RALYL: variants seen among roughly 807,000 people sequenced by gnomAD.
RALYL encodes RALY RNA binding protein like, also known as RNA-binding Raly-like protein.
A neutral mutation model predicts 35.1 loss-of-function variants in RALYL; 29 were observed. The observed-to-expected ratio is 0.83, with a 90% confidence interval of 0.61 to 1.13. RALYL has a LOEUF of 1.13. Among genes scored for constraint, RALYL ranks in the 50% most tolerant of loss-of-function variants. RALYL has a pLI of 0.00. For missense variants in RALYL, 359 were observed against 360.4 expected (o/e 1.00, Z 0.03); for synonymous variants, 120 against 127.6 (o/e 0.94, Z 0.40).
chr8:84,391,351 CAAAGA>C (rs1860656475), intron 1 of RALYL, among the ~76,000 whole-genome samples: 2 of 151,906 alleles, frequency 1.3e-5, no homozygotes, highest in African/African-American at 4.8e-5. Context: ...ATGTTTGAAA[CAAAGA>C]AAAGTCCTAT....
intron 1 of RALYL, among the ~76,000 whole-genome samples, chr8:84,272,173 A>G (rs1374255059): frequency 1.3e-5 from 2 of 151,724 alleles, no homozygotes; most frequent in African/African-American, 4.8e-5. Context: ...GCTCACTGCA[A>G]CCTCCACCTC....
At chr8:84,556,303 A>G (rs1588157562) in intron 2 of RALYL, among the ~76,000 whole-genome samples, 1 of 152,180 alleles carries the variant, frequency 6.6e-6, no homozygotes, top group South Asian at 2.1e-4. Flanking sequence ...GATACTCAAG[A>G]GTTTTACATT....
intron 2 of RALYL, among the ~76,000 whole-genome samples, chr8:84,704,480 C>CACACACACACACACACACACA (rs145150857): frequency 7.2e-6 from 1 of 139,580 alleles, no homozygotes; most frequent in South Asian, 2.1e-4. Flanking sequence ...CACACACACA[C>CACACACACACACACACACACA]ACAACAACTC....
At chr8:84,718,299 T>A (rs1843268561) in intron 2 of RALYL, among the ~76,000 whole-genome samples, 1 of 152,210 alleles carries the variant, frequency 6.6e-6, no homozygotes, top group Non-Finnish European at 1.5e-5. Context: ...TTTCAGTTGT[T>A]AAGTATGTGT....
intron 1 of RALYL, among the ~76,000 whole-genome samples, chr8:84,440,065 C>T (rs2048170439): frequency 6.6e-6 from 1 of 151,982 alleles, no homozygotes; most frequent in African/African-American, 2.4e-5. Context: ...ATTTGTAAGT[C>T]ATTATGATTA....
At chr8:84,757,676 AG>A (rs1381164827) in intron 2 of RALYL, among the ~76,000 whole-genome samples, 1 of 152,188 alleles carries the variant, frequency 6.6e-6, no homozygotes, top group Non-Finnish European at 1.5e-5. Context: ...TAGTGTGGCT[AG>A]TACATATATT....
intron 2 of RALYL, among the ~76,000 whole-genome samples, chr8:84,635,917 T>C (rs1013278277): frequency 2.0e-5 from 3 of 151,842 alleles, no homozygotes; most frequent in Non-Finnish European, 4.4e-5. Context: ...TCTTTGGTTT[T>C]CTTAATCTGA....
intron 3 of RALYL, among the ~76,000 whole-genome samples, chr8:84,801,843 G>GTGGT (rs1823354830): frequency 6.6e-6 from 1 of 152,142 alleles, no homozygotes; most frequent in Non-Finnish European, 1.5e-5. Flanking sequence ...ATCAAGAAAG[G>GTGGT]TGGTAACACA....
Position 84,842,889 on chromosome 8 carries a change from A to G in RALYL, c.366-7091A>G, listed in dbSNP as rs113414109. Reference sequence around the variant, plus strand: ...AAACCTCATGATTATCTCAATAGACACAGAAAGGCCTTTGACAAAATTCAA... The same window carrying G: ...AAACCTCATGATTATCTCAATAGACGCAGAAAGGCCTTTGACAAAATTCAA... On this transcript the variant is annotated intron_variant, in intron 4 of 8. Transcript: ENST00000521268. Among the ~76,000 whole-genome samples the G allele has an allele frequency of 3.0e-3, 456 of 152,248 alleles. 1 individual carries two copies. Among genetic ancestry groups the G allele is most frequent in the African/African-American group, 0.011 (444 of 41,556 alleles).
At chr8:84,790,586 T>C (rs1408866300) in intron 3 of RALYL, among the ~76,000 whole-genome samples, 3 of 152,208 alleles carry the variant, frequency 2.0e-5, no homozygotes, top group Non-Finnish European at 4.4e-5. Context: ...ACTGGACATT[T>C]TTCTGGGTAC....
intron 2 of RALYL, among the ~76,000 whole-genome samples, chr8:84,742,608 A>G (rs1181400086): frequency 6.6e-6 from 1 of 152,074 alleles, no homozygotes. Context: ...GGAGTAAGCA[A>G]GAATCAGAGG....
At chr8:84,660,639 C>G (rs1260272600) in intron 2 of RALYL, among the ~76,000 whole-genome samples, 1 of 150,652 alleles carries the variant, frequency 6.6e-6, no homozygotes, top group Non-Finnish European at 1.5e-5. Flanking sequence ...TTTTGCTTTT[C>G]CCCAGTTTTA....
chr8:84,199,399 T>C (rs1025773793), intron 1 of RALYL, among the ~76,000 whole-genome samples: 2 of 152,230 alleles, frequency 1.3e-5, no homozygotes, highest in Non-Finnish European at 2.9e-5. Flanking sequence ...TGGTTATTAA[T>C]CTTTTGTCAG....
At chr8:84,445,103 C>T (rs2133057785) in intron 1 of RALYL, among the ~76,000 whole-genome samples, 1 of 152,092 alleles carries the variant, frequency 6.6e-6, no homozygotes, top group South Asian at 2.1e-4. Flanking sequence ...ACTGATGCTC[C>T]AAGTGTTACT....
chr8:84,484,376 G>A (rs2054378290), intron 1 of RALYL, among the ~76,000 whole-genome samples: 1 of 152,068 alleles, frequency 6.6e-6, no homozygotes, highest in Non-Finnish European at 1.5e-5. Flanking sequence ...TGGTATGACA[G>A]AGATATATTT....
intron 8 of RALYL, among the ~76,000 whole-genome samples, chr8:84,907,341 C>A (rs969687301): frequency 4.7e-5 from 7 of 149,648 alleles, no homozygotes; most frequent in Admixed American, 6.6e-5. Context: ...CACACACACA[C>A]ACACACACAC....
intron 2 of RALYL, among the ~76,000 whole-genome samples, chr8:84,632,091 G>A (rs1194116172): frequency 6.6e-6 from 1 of 151,750 alleles, no homozygotes; most frequent in Non-Finnish European, 1.5e-5. Flanking sequence ...ATTGAAAGGG[G>A]TTAGTGTCCT....
rs866135776 is a variant in RALYL, at chr8:84,503,858, T to C, written c.-23-25441T>C. ...AAGCCTAGGCAACAGAGCAAGACTC[T>C]GTCTCAAAGAAAAAAAAATGAAAAC... On this transcript the variant is annotated intron_variant, in intron 1 of 8. Transcript: ENST00000521268. Among the ~76,000 whole-genome samples the C allele has an allele frequency of 2.2e-5, 3 of 134,438 alleles. No homozygotes were observed. In the Admixed American group the frequency reaches 2.3e-4, roughly 10 times the overall value. The allele number at this position is 134,438 out of a possible 152,430, so 88.2% of individuals were successfully genotyped here.
chr8:84,775,633 C>T (rs141007004), intron 3 of RALYL, among the ~76,000 whole-genome samples: 2 of 152,322 alleles, frequency 1.3e-5, no homozygotes, highest in African/African-American at 4.8e-5. Flanking sequence ...CTGGTCTTTC[C>T]CCTCTACGTG....
Sources: allele counts gnomAD v4.1 joint callset (sites outside exome capture counted in the v4.1 genomes callset), GRCh38; gene constraint gnomAD v4.1.1; transcripts MANE v1.5; gene names NCBI Gene and HGNC (gene_info 2026-07-23, HGNC 2026-07-21).